The following CSNK1E variants were observed in gnomAD, a reference collection of about 807,000 sequenced individuals.
CSNK1E encodes casein kinase 1 epsilon.
In CSNK1E, 17 loss-of-function variants were observed where a neutral mutation model predicts 46.1. The observed-to-expected ratio is 0.37, with a 90% confidence interval of 0.25 to 0.55. The LOEUF (loss-of-function observed/expected upper bound fraction) is 0.55, where lower values mean the gene tolerates loss of function less well. CSNK1E is among the 20% of genes least tolerant of loss of function. The pLI, the probability that CSNK1E is intolerant of heterozygous loss-of-function variation, is 0.82. For synonymous variants in CSNK1E, 241 were observed against 242.6 expected (o/e 0.99, Z 0.06); for missense variants, 386 against 595.4 (o/e 0.65, Z 3.66).
rs2092667345 is a variant in CSNK1E at position 38,300,716 on chromosome 22, T to G, written c.565+8A>C. On this transcript the variant is annotated splice_region_variant and intron_variant, in intron 5 of 10. Transcript: ENST00000396832. The surrounding 1 kb of genome is among the most constrained non-coding windows in gnomAD (Gnocchi z 4.4). ...GGGTGCACACTGCTCCAGGCCTGGC[T>G]CCCTCACCAATGCCCAGGTGCGTGT... 3 of 1,613,480 alleles carry G rather than the reference T, an allele frequency of 1.9e-6. No homozygotes were observed.
chr22:38,306,425 A>T (rs1332601394), intron 2 of CSNK1E, among the ~76,000 whole-genome samples: 1 of 152,182 alleles, frequency 6.6e-6, no homozygotes, highest in African/African-American at 2.4e-5. Context: ...TTGCGCAGCC[A>T]TTACCACAAT....
rs2092605790 is a variant in CSNK1E, at chr22:38,290,928, CAAAAAT to C, written c.*1037_*1042del. ...AAAACACACACACGGAGAAAACAAA[CAAAAAT>C]AAAATAAAATAAAAACAAAAAGGTG... is the stretch of plus-strand genomic sequence containing the variant. On this transcript the variant is annotated 3_prime_UTR_variant, in exon 11 of 11. Coordinates refer to ENST00000396832, the MANE Select transcript of CSNK1E (RefSeq NM_152221.3). The C allele has an allele frequency of 8.2e-5, 12 of 146,960 alleles. No individual in the cohort carries two copies. The highest frequency in any genetic ancestry group is 8.1e-4 in the Admixed American group (12 of 14,788). The allele number at this position is 146,960 out of a possible 1,614,324, so 9.1% of individuals were successfully genotyped here. A position where few individuals can be genotyped will look rare whatever the true frequency, so the allele number is the denominator to read the frequency against.
chr22:38,294,471 T>A lies in CSNK1E; in HGVS notation c.949A>T (p.Met317Leu), dbSNP rs765684456. Residue 317 changes from methionine (M) to leucine (L), a missense_variant, in exon 8 of 11, where the codon ATG (methionine) becomes TTG (leucine). Around this residue, in one of 2 missense-constraint regions of CSNK1E, gnomAD observed 174 missense variants for 185.2 expected, o/e 0.94. Transcript: ENST00000396832. This position sits in a 1 kb window ranked among gnomAD's most constrained non-coding sequence, Gnocchi z 5.5. ...GTCGCGGACCCCCGTAGCTGCCCCA[T>A]CCTCTCCTCGCGTTCGTGTTCTCGC... ...ERREHEREER[M>L]GQLRGSATRA... is the part of the protein sequence containing the mutation. 23 of 1,592,036 alleles carry A rather than the reference T, an allele frequency of 1.4e-5. No homozygotes were observed. The highest frequency in any genetic ancestry group is 8.1e-5 in the African/African-American group (6 of 73,994).
In CSNK1E at chr22:38,294,475, C is replaced by T. The variant is rs540508048; in HGVS notation, c.945G>A (p.Glu315=). 1.9e-6 allele frequency: 3 copies of T among 1,593,044 alleles called. No individual in the cohort carries two copies. The highest frequency in any genetic ancestry group is 4.6e-5 in the East Asian group (2 of 43,222). The change falls in exon 8 of 11, where the codon GAG becomes GAA. Residue 315 remains glutamate (E), a synonymous_variant. Transcript: ENST00000396832. This position sits in a 1 kb window ranked among gnomAD's most constrained non-coding sequence, Gnocchi z 5.5. The part of the protein sequence containing the change: ...DRERREHERE[E]RMGQLRGSAT... ...CGGACCCCCGTAGCTGCCCCATCCT[C>T]TCCTCGCGTTCGTGTTCTCGCCGCT...
At chr22:38,317,964 G>C (rs1217055788), upstream of CSNK1E, 1 of 152,280 alleles carries the variant, frequency 6.6e-6, no homozygotes, top group Admixed American at 6.5e-5. Context: ...ACAAGGCCCA[G>C]AAAGGTAGCC....
Position 38,294,976 on chromosome 22 carries a change from A to G in CSNK1E, c.886-442T>C, listed in dbSNP as rs1016884400. On this transcript the variant is annotated intron_variant, in intron 7 of 10. Coordinates refer to ENST00000396832, the MANE Select transcript of CSNK1E (RefSeq NM_152221.3). The surrounding 1 kb of genome is among the most constrained non-coding windows in gnomAD (Gnocchi z 5.5). ...TCTAGCAGACTGGCTAGGGGTGTCC[A>G]GAGGGGGAAAAGAACAGGCCCAGAG... 2.0e-5 allele frequency among the ~76,000 whole-genome samples: 3 copies of G among 152,204 alleles called. No homozygotes were observed. Among genetic ancestry groups the G allele is most frequent in the African/African-American group, 4.8e-5 (2 of 41,456 alleles).
chr22:38,311,079 C>A (rs1197611013), intron 2 of CSNK1E, among the ~76,000 whole-genome samples: 1 of 152,116 alleles, frequency 6.6e-6, no homozygotes, highest in Non-Finnish European at 1.5e-5. Flanking sequence ...AGACTCAGAC[C>A]CAGAGGACCC....
At chr22:38,313,164 G>A (rs191521140) in intron 2 of CSNK1E, among the ~76,000 whole-genome samples, 1 of 152,158 alleles carries the variant, frequency 6.6e-6, no homozygotes, top group Non-Finnish European at 1.5e-5. Flanking sequence ...TGAGCTGATG[G>A]ACACGACACA....
intron 2 of CSNK1E, among the ~76,000 whole-genome samples, chr22:38,306,923 C>T (rs2092701160): frequency 6.6e-6 from 1 of 152,306 alleles, no homozygotes; most frequent in Non-Finnish European, 1.5e-5. Context: ...AACTGTAGTA[C>T]TACCACTTTG....
rs755168697 is a variant in CSNK1E, at chr22:38,294,217, G to A, written c.1110C>T (p.Val370=). ...TCATACTCACCTTCCTCTCCCGGTC[G>A]ACCCGCGAGATCGCTCTGGGAGAAG... ...GNTSPRAISR[V]DRERKVSMRL... is the part of the protein sequence containing the mutation. Residue 370 remains valine (V), a synonymous_variant, in exon 9 of 11, where the codon GTC becomes GTT. Transcript: ENST00000396832. This position sits in a 1 kb window ranked among gnomAD's most constrained non-coding sequence, Gnocchi z 5.5. The A allele has an allele frequency of 2.5e-6, 4 of 1,612,592 alleles. No homozygotes were observed. The highest frequency in any genetic ancestry group is 1.7e-5 in the Admixed American group (1 of 59,988).
intron 2 of CSNK1E, among the ~76,000 whole-genome samples, chr22:38,311,611 A>G (rs565519900): frequency 2.1e-4 from 32 of 152,268 alleles, no homozygotes; most frequent in Admixed American, 7.8e-4. Context: ...GCTCAGCCCA[A>G]CAGCTTCAAT....
At chr22:38,297,706 G>A (rs2092648324) in intron 7 of CSNK1E, 3 of 994,856 alleles carry the variant, frequency 3.0e-6, no homozygotes, top group Non-Finnish European at 2.4e-6. Context: ...GGCCCCTTGT[G>A]GGCAGTGGCC....
At position 38,314,120 on chromosome 22, in the gene CSNK1E, C is replaced by T. The variant is rs749970868; in HGVS notation, c.38G>A (p.Arg13Gln). 2.5e-6 allele frequency: 4 copies of T among 1,614,104 alleles called. No individual in the cohort carries two copies. The highest frequency in any genetic ancestry group is 1.7e-6 in the Non-Finnish European group (2 of 1,179,972). Residue 13 changes from arginine to glutamine, a missense_variant, in exon 2 of 11, where the codon CGG becomes CAG. Physicochemically the swap from Arg to Gln is conservative, Grantham distance 43 (BLOSUM62 1). This residue lies in a region of CSNK1E where 212 missense variants were observed against 410.2 expected (regional missense o/e 0.52). Transcript: ENST00000396832. ...TCCGAAGGACCCGCTCCCGATCTTC[C>T]GTCCCAGGCGGTACTTGTTCCCCAC... ...LRVGNKYRLGRKIGSGSFGDI... is the reference protein window; with the variant it reads ...LRVGNKYRLGQKIGSGSFGDI...
chr22:38,311,783 CA>C (rs960243434), intron 2 of CSNK1E, among the ~76,000 whole-genome samples: 2 of 151,902 alleles, frequency 1.3e-5, no homozygotes, highest in Non-Finnish European at 2.9e-5. Context: ...GACTGGCCCC[CA>C]CATCTCAGCC....
intron 1 of CSNK1E, 146 bp from the exon 2 acceptor site, chr22:38,314,315 C>T: frequency 1.6e-6 from 1 of 639,118 alleles, no homozygotes; most frequent in South Asian, 1.8e-5. Context: ...GGCCCACAGC[C>T]TGCACTCCAC....
Position 38,303,081 on chromosome 22 carries a change from C to T in CSNK1E, c.187+57G>A. 2 of 1,599,990 alleles carry T rather than the reference C, an allele frequency of 1.3e-6. No individual in the cohort carries two copies. The highest frequency in any genetic ancestry group is 1.1e-5 in the South Asian group (1 of 90,088). On this transcript the variant is annotated intron_variant, in intron 3 of 10. Coordinates refer to ENST00000396832, the MANE Select transcript of CSNK1E (RefSeq NM_152221.3). This position sits in a 1 kb window ranked among gnomAD's most constrained non-coding sequence, Gnocchi z 4.7. ...CCAGCCACGCCCGGCCCACCCTGTG[C>T]TCATGGCTGCCCACCGCCACCCACC... is the stretch of plus-strand genomic sequence containing the variant.
chr22:38,312,392 TC>T (rs1301588171), intron 2 of CSNK1E, among the ~76,000 whole-genome samples: 1 of 152,216 alleles, frequency 6.6e-6, no homozygotes, highest in Non-Finnish European at 1.5e-5. Context: ...CACCTGGCCA[TC>T]CCGGCATTTT....
At chr22:38,311,917 G>A (rs980568841) in intron 2 of CSNK1E, among the ~76,000 whole-genome samples, 9 of 150,106 alleles carry the variant, frequency 6.0e-5, no homozygotes, top group African/African-American at 1.7e-4. Flanking sequence ...CCATTCTTCC[G>A]CCTCAGCCTC....
In CSNK1E at chr22:38,298,433, G is replaced by A. The variant is rs148507842; in HGVS notation, c.885+353C>T. 6.6e-3 allele frequency: 2,432 copies of A among 370,276 alleles called. 9 individuals are homozygous for A. Among genetic ancestry groups the A allele is most frequent in the Non-Finnish European group, 9.0e-3 (1,714 of 191,252 alleles). 22.9% of individuals were successfully genotyped at this position (370,276 alleles called of 1,614,324 possible). A position where few individuals can be genotyped will look rare whatever the true frequency, so the allele number is the denominator to read the frequency against. On this transcript the variant is annotated intron_variant, in intron 7 of 10. Transcript: ENST00000396832. This position sits in a 1 kb window ranked among gnomAD's most constrained non-coding sequence, Gnocchi z 4.2. ...CATGGTGCAGGTAGCCACCTGGGAT[G>A]TGCAGAACAGGAGCAGCAGGACGGT...
Sources: gnomAD v4.1 joint callset for allele counts (sites outside exome capture counted in the v4.1 genomes callset) on GRCh38, gnomAD v4.1.1 for gene constraint, gnomAD v4.1.1 regional missense constraint, Gnocchi (gnomAD v3.1) non-coding constraint, MANE v1.5 for transcripts, NCBI Gene and HGNC (gene_info 2026-07-23, HGNC 2026-07-21) for gene names.